WFS1: variants seen among roughly 807,000 people sequenced by gnomAD.
WFS1 encodes the protein wolframin.
A neutral mutation model predicts 68.5 loss-of-function variants in WFS1; 90 were observed. The observed-to-expected ratio is 1.31, with a 90% confidence interval of 1.11 to 1.56. The LOEUF (loss-of-function observed/expected upper bound fraction) is 1.56, where lower values mean the gene tolerates loss of function less well. Among genes scored for constraint, WFS1 ranks in the 40% most tolerant of loss-of-function variants. WFS1 has a pLI of 0.00. For missense variants in WFS1, 1,767 were observed against 1,232.6 expected (o/e 1.43, Z -6.49); for synonymous variants, 860 against 540.7 (o/e 1.59, Z -8.19).
In WFS1 at chr4:6,301,957, A is replaced by G. The variant is rs753696387; in HGVS notation, c.2162A>G (p.Asn721Ser). Residue 721 changes from asparagine to serine, a missense_variant, in exon 8 of 8, where the codon AAC becomes AGC. Physicochemically the swap from Asn to Ser is conservative, Grantham distance 46. Transcript: ENST00000226760. ...GACAACAGCGCCGAGTCTGCCATCA[A>G]CATGCTCCCGTTCTTCATCGGCGAC... Reference protein sequence around the residue: ...DIDNSAESAINMLPFFIGDWM... With the variant: ...DIDNSAESAISMLPFFIGDWM... The G allele has an allele frequency of 8.7e-6, 14 of 1,612,844 alleles. No individual in the cohort carries two copies. Among genetic ancestry groups the G allele is most frequent in the Admixed American group, 3.3e-5 (2 of 60,004 alleles).
chr4:6,295,300 G>C, intron 7 of WFS1, 111 bp downstream of exon 7: 2 of 1,364,284 alleles, frequency 1.5e-6, no homozygotes, highest in Non-Finnish European at 2.1e-6. Flanking sequence ...GCCTAACAAA[G>C]AGTGTCTTAC....
chr4:6,273,963 A>C (rs1729910050), intron 1 of WFS1, among the ~76,000 whole-genome samples: 1 of 152,172 alleles, frequency 6.6e-6, no homozygotes, highest in Non-Finnish European at 1.5e-5. Flanking sequence ...GTTTTCCTGA[A>C]ATTCCTTTTA....
Position 6,283,645 on chromosome 4 carries a change from A to G in WFS1, c.233-3448A>G, listed in dbSNP as rs895066284. ...AAGCCCATTTCCCAGCAGTTCTAGC[A>G]CAAACTCCGCTGGGCTGTGTCCATC... On this transcript the variant is annotated intron_variant, in intron 2 of 7. Transcript: ENST00000226760. This position sits in a 1 kb window ranked among gnomAD's most constrained non-coding sequence, Gnocchi z 5.0. Among the ~76,000 whole-genome samples the G allele has an allele frequency of 2.0e-5, 3 of 152,222 alleles. No homozygotes were observed. Among genetic ancestry groups the G allele is most frequent in the African/African-American group, 7.2e-5 (3 of 41,454 alleles).
rs373092202 is a variant in WFS1 at position 6,301,775 on chromosome 4, C to T, written c.1980C>T (p.Tyr660=). ...ACCGCTCAGAGGGCATGAAGGTCTA[C>T]AACTCCACACTGACCTGGCAGCAGT... The part of the protein sequence containing the change: ...YVYRSEGMKV[Y]NSTLTWQQYG... The change falls in exon 8 of 8, where the codon TAC becomes TAT. Residue 660 remains tyrosine, a synonymous_variant. Transcript: ENST00000226760. The T allele has an allele frequency of 1.9e-6, 3 of 1,613,516 alleles. No homozygotes were observed. The highest frequency in any genetic ancestry group is 2.2e-5 in the East Asian group (1 of 44,892).
intron 2 of WFS1, among the ~76,000 whole-genome samples, chr4:6,280,696 CTAA>C (rs1466504716): frequency 1.5e-5 from 2 of 130,904 alleles, no homozygotes; most frequent in African/African-American, 6.0e-5. Flanking sequence ...TTGGCCTGTG[CTAA>C]GTGTGTGCTA....
chr4:6,295,381 C>G (rs751118656), intron 7 of WFS1, among the ~76,000 whole-genome samples, 192 bp downstream of exon 7: 1 of 148,130 alleles, frequency 6.8e-6, no homozygotes, highest in African/African-American at 2.7e-5. Context: ...AGAGGCCTTT[C>G]TTTTCTGCGC....
intron 7 of WFS1, among the ~76,000 whole-genome samples, chr4:6,300,275 G>A (rs1489600698): frequency 6.6e-6 from 1 of 152,182 alleles, no homozygotes; most frequent in East Asian, 1.9e-4. Flanking sequence ...TCCCAGACAG[G>A]CATCTCAGGG....
intron 1 of WFS1, among the ~76,000 whole-genome samples, chr4:6,271,982 T>C (rs1299253271): frequency 1.3e-5 from 2 of 152,140 alleles, no homozygotes; most frequent in East Asian, 3.9e-4. Flanking sequence ...GTCCCTCTGC[T>C]GCCTCCTCTT....
At chr4:6,299,472 G>A (rs187482646) in intron 7 of WFS1, among the ~76,000 whole-genome samples, 6 of 147,298 alleles carry the variant, frequency 4.1e-5, no homozygotes, top group African/African-American at 8.0e-5. Context: ...GAGGGTGCAC[G>A]TGTGGGGGTG....
rs565388637 is a variant in WFS1, at chr4:6,280,017, G to A, written c.232+2330G>A. Among the ~76,000 whole-genome samples, 8 of 152,334 alleles carry A rather than the reference G, an allele frequency of 5.3e-5. No homozygotes were observed. In the South Asian group the frequency reaches 1.4e-3, roughly 28 times the overall value. ...CCTTGGCAAGTCACCTGCCACCTGG[G>A]GAACCACTGCCAACGGGTCGGGGCT... is the stretch of plus-strand genomic sequence containing the variant. On this transcript the variant is annotated intron_variant, in intron 2 of 7. Coordinates refer to ENST00000226760, the MANE Select transcript of WFS1 (RefSeq NM_006005.3).
In WFS1 at chr4:6,302,616, C is replaced by G. The variant is rs370524611; in HGVS notation, c.*148C>G. The G allele has an allele frequency of 6.5e-5, 77 of 1,182,324 alleles. 2 individuals carry two copies. The African/African-American group carries it at 9.4e-4, about 14-fold the overall frequency. 73.2% of individuals were successfully genotyped at this position (1,182,324 alleles called of 1,614,324 possible). ...AGACCTTGCGACCATGTGTAGATTG[C>G]GTGGACCCCGACAAAGGGAAGGCTG... On this transcript the variant is annotated 3_prime_UTR_variant, in exon 8 of 8. Transcript: ENST00000226760.
rs1229620709 is a variant in WFS1 at position 6,292,416 on chromosome 4, A to G, written c.712+419A>G. On this transcript the variant is annotated intron_variant, in intron 6 of 7. Transcript: ENST00000226760. ...GCATGAGCAAAGGCCCAGGAGACCC[A>G]GCAGGGTGTGGAAGGGGCTCTGCCC... is the stretch of plus-strand genomic sequence containing the variant. Among the ~76,000 whole-genome samples the G allele has an allele frequency of 2.0e-5, 3 of 151,566 alleles. No homozygotes were observed. In the South Asian group the frequency reaches 6.2e-4, roughly 32 times the overall value.
At chr4:6,282,509 C>A (rs111509882) in intron 2 of WFS1, among the ~76,000 whole-genome samples, 3 of 152,136 alleles carry the variant, frequency 2.0e-5, no homozygotes, top group Non-Finnish European at 4.4e-5. Flanking sequence ...CCCTTGGAGA[C>A]GGGAGGATTA....
At chr4:6,284,620 C>T (rs1560405824) in intron 2 of WFS1, among the ~76,000 whole-genome samples, 1 of 151,766 alleles carries the variant, frequency 6.6e-6, no homozygotes, top group South Asian at 2.1e-4. Context: ...GTGGGAAGTA[C>T]AGCAACAGCC....
At position 6,277,317 on chromosome 4, in the gene WFS1, T is replaced by C. The variant is rs185572873; in HGVS notation, c.-5-134T>C. ...GCTGGCCCATGGGGACTGTACTGAG[T>C]GTCAGCGAGATCCTGTATGGAGTGT... is the stretch of plus-strand genomic sequence containing the variant. On this transcript the variant is annotated intron_variant, in intron 1 of 7. Transcript: ENST00000226760. 902 of 843,122 alleles carry C rather than the reference T, an allele frequency of 1.1e-3. 2 individuals carry two copies. The highest frequency in any genetic ancestry group is 3.2e-4 in the Non-Finnish European group (167 of 515,352). The allele number at this position is 843,122 out of a possible 1,614,324, so 52.2% of individuals were successfully genotyped here.
At chr4:6,275,899 C>A (rs1458429009) in intron 1 of WFS1, among the ~76,000 whole-genome samples, 2 of 152,212 alleles carry the variant, frequency 1.3e-5, no homozygotes, top group Non-Finnish European at 2.9e-5. Context: ...CCAGGGGACT[C>A]CCTCGTGCTG....
intron 2 of WFS1, among the ~76,000 whole-genome samples, chr4:6,279,157 G>A (rs1028778658): frequency 6.6e-5 from 10 of 152,222 alleles, no homozygotes; most frequent in South Asian, 4.1e-4. Context: ...CCCAGTGGCC[G>A]CAGGGAGGGC....
intron 4 of WFS1, among the ~76,000 whole-genome samples, chr4:6,289,375 A>G (rs1730401464): frequency 6.6e-6 from 1 of 152,210 alleles, no homozygotes; most frequent in Admixed American, 6.5e-5. Context: ...AGTGGTAACT[A>G]TACATCCTGC....
intron 1 of WFS1, among the ~76,000 whole-genome samples, chr4:6,272,196 G>C (rs773700826): frequency 3.3e-5 from 5 of 152,220 alleles, no homozygotes; most frequent in Non-Finnish European, 5.9e-5. Context: ...CTGCTCCAAT[G>C]CTGGCCCTGG....
Sources: allele counts gnomAD v4.1 joint callset (sites outside exome capture counted in the v4.1 genomes callset), GRCh38; gene constraint gnomAD v4.1.1; non-coding constraint Gnocchi (gnomAD v3.1); transcripts MANE v1.5; gene names NCBI Gene and HGNC (gene_info 2026-07-23, HGNC 2026-07-21).